The following MGAT5 variants were observed in gnomAD, a reference collection of about 807,000 sequenced individuals.
MGAT5 encodes alpha-1,6-mannosylglycoprotein 6-beta-N-acetylglucosaminyltransferase.
A neutral mutation model predicts 94.3 loss-of-function variants in MGAT5; 30 were observed. That is an observed-to-expected ratio of 0.32 (90% CI 0.24 to 0.43). The LOEUF (loss-of-function observed/expected upper bound fraction) is 0.43. Among genes scored for constraint, MGAT5 ranks in the 20% least tolerant of loss-of-function variants. The probability of loss-of-function intolerance (pLI) is 1.00; values close to 1 mark genes in which losing one functional copy is unlikely to be tolerated. For synonymous variants in MGAT5, 310 were observed against 322.9 expected, an observed-to-expected ratio of 0.96 and a Z score of 0.43; for missense variants, 691 against 905.5, an observed-to-expected ratio of 0.76 and a Z score of 3.04.
chr2:134,298,821 T>C (rs1042426860), intron 2 of MGAT5, among the ~76,000 whole-genome samples: 1 of 152,038 alleles, frequency 6.6e-6, no homozygotes, highest in Admixed American at 6.6e-5. Flanking sequence ...TGGGTTGGGA[T>C]TGGGGCTGGT....
intron 1 of MGAT5, among the ~76,000 whole-genome samples, chr2:134,194,172 G>A (rs1679381118): frequency 6.6e-6 from 1 of 152,182 alleles, no homozygotes; most frequent in Non-Finnish European, 1.5e-5. Flanking sequence ...AATTTCCTGT[G>A]AATGAATTGA....
intron 10 of MGAT5, among the ~76,000 whole-genome samples, chr2:134,402,570 A>G (rs1218289263): frequency 6.6e-6 from 1 of 152,158 alleles, no homozygotes; most frequent in Non-Finnish European, 1.5e-5. Flanking sequence ...TTGCAGTCCA[A>G]CTGACTGCCT....
rs1357653400 is a variant in MGAT5 at position 134,257,843 on chromosome 2, T to C, written c.241+3199T>C. Among the ~76,000 whole-genome samples, 6 of 149,374 alleles carry C rather than the reference T, an allele frequency of 4.0e-5. No homozygotes were observed. The South Asian group carries it at 1.1e-3, about 27-fold the overall frequency. On this transcript the variant is annotated intron_variant, in intron 1 of 15. Transcript: ENST00000281923. ...GCCATTAGTTTGCAGTCTCTTTTTT[T>C]TTTTTTTTTTTTGCCATAAATGCAG...
At chr2:134,152,318 C>T (rs909813450) in intron 1 of MGAT5, among the ~76,000 whole-genome samples, 19 of 98,394 alleles carry the variant, frequency 1.9e-4, no homozygotes, top group African/African-American at 3.0e-4. Context: ...TTATCACTCA[C>T]GCCCTATGGG....
intron 14 of MGAT5, among the ~76,000 whole-genome samples, chr2:134,428,712 C>G (rs551585253): frequency 6.6e-6 from 1 of 152,330 alleles, no homozygotes; most frequent in South Asian, 2.1e-4. Context: ...CCCTGACCAT[C>G]AGGGTCTGTG....
intron 1 of MGAT5, among the ~76,000 whole-genome samples, chr2:134,236,462 T>G (rs1490340312): frequency 6.6e-6 from 1 of 152,154 alleles, no homozygotes; most frequent in Admixed American, 6.5e-5. Flanking sequence ...GGGAGGTAAT[T>G]TAATCACAGA....
chr2:134,385,647 G>C (rs1397815598), intron 10 of MGAT5, among the ~76,000 whole-genome samples: 1 of 152,188 alleles, frequency 6.6e-6, no homozygotes, highest in Admixed American at 6.5e-5. Context: ...ATTCGAGGTA[G>C]TAAGGTAAGT....
chr2:134,367,041 A>T (rs1680476178), intron 10 of MGAT5, among the ~76,000 whole-genome samples: 1 of 152,190 alleles, frequency 6.6e-6, no homozygotes, highest in Non-Finnish European at 1.5e-5. Flanking sequence ...AGAGGAGGTG[A>T]GAGGCACAGT....
chr2:134,251,390 A>G (rs1309417151), upstream of MGAT5, among the ~76,000 whole-genome samples: 1 of 152,186 alleles, frequency 6.6e-6, no homozygotes, highest in African/African-American at 2.4e-5. Flanking sequence ...GGCAGGTGCT[A>G]GTTGGCTGGC....
At chr2:134,239,200 G>A (rs1219656245) in intron 1 of MGAT5, among the ~76,000 whole-genome samples, 3 of 151,918 alleles carry the variant, frequency 2.0e-5, no homozygotes, top group Admixed American at 1.3e-4. Flanking sequence ...GGGGTTCACC[G>A]TGTTAGCCAG....
chr2:134,294,068 G>C (rs1014240528), intron 2 of MGAT5, among the ~76,000 whole-genome samples: 3 of 152,182 alleles, frequency 2.0e-5, no homozygotes, highest in African/African-American at 7.2e-5. Flanking sequence ...TCAGTGTAAA[G>C]ATGTGTCACT....
At chr2:134,374,566 T>A (rs1011149885) in intron 10 of MGAT5, among the ~76,000 whole-genome samples, 4 of 152,230 alleles carry the variant, frequency 2.6e-5, no homozygotes, top group African/African-American at 9.6e-5. Flanking sequence ...TTTAATATAT[T>A]TGCTTCTAAA....
At chr2:134,239,487 A>G (rs573548684) in intron 1 of MGAT5, among the ~76,000 whole-genome samples, 1 of 152,326 alleles carries the variant, frequency 6.6e-6, no homozygotes, top group South Asian at 2.1e-4. Context: ...ACCTTGATTT[A>G]TGCAAATCAC....
chr2:134,377,457 A>T (rs1478592125), intron 10 of MGAT5, among the ~76,000 whole-genome samples: 1 of 152,218 alleles, frequency 6.6e-6, no homozygotes, highest in Non-Finnish European at 1.5e-5. Flanking sequence ...TTGGCTGCAG[A>T]GGAGGCCAGG....
At position 134,267,518 on chromosome 2, in the gene MGAT5, C is replaced by T. The variant is rs1377570062; in HGVS notation, c.242-2868C>T. ...TCATTATGAATCCCCTTTTACACTC[C>T]ATGTCACACAGTCACAGAAGGTCAA... On this transcript the variant is annotated intron_variant, in intron 1 of 15. Coordinates refer to ENST00000281923, the MANE Select transcript of MGAT5 (RefSeq NM_002410.5). Among the ~76,000 whole-genome samples, 32 of 152,148 alleles carry T rather than the reference C, an allele frequency of 2.1e-4. 1 individual carries two copies. The highest frequency in any genetic ancestry group is 1.5e-5 in the Non-Finnish European group (1 of 68,030).
Position 134,317,522 on chromosome 2 carries a change from T to C in MGAT5, c.407-7T>C, listed in dbSNP as rs746241603. 7 of 1,550,842 alleles carry C rather than the reference T, an allele frequency of 4.5e-6. No homozygotes were observed. Among genetic ancestry groups the C allele is most frequent in the Non-Finnish European group, 6.1e-6 (7 of 1,149,150 alleles). Reference sequence around the variant, plus strand: ...TTGTATCCTTTGTTGTTTTTCATTCTTCACAGATATCATTAACGGAGCTCA... The same window carrying C: ...TTGTATCCTTTGTTGTTTTTCATTCCTCACAGATATCATTAACGGAGCTCA... On this transcript the variant is annotated splice_region_variant and splice_polypyrimidine_tract_variant and intron_variant, in intron 2 of 15. Coordinates refer to ENST00000281923, the MANE Select transcript of MGAT5 (RefSeq NM_002410.5).
At chr2:134,202,083 ATATC>A (rs77031421) in intron 1 of MGAT5, among the ~76,000 whole-genome samples, 13,784 of 151,964 alleles carry the variant, frequency 0.091, 659 homozygotes, top group Middle Eastern at 0.12. Flanking sequence ...TCAGTAACTC[ATATC>A]TATCTATGAC....
At chr2:134,416,902 G>A (rs1423427883) in intron 12 of MGAT5, among the ~76,000 whole-genome samples, 1 of 151,236 alleles carries the variant, frequency 6.6e-6, no homozygotes, top group African/African-American at 2.4e-5. Context: ...ACCATGCCTG[G>A]CCTATGTCAC....
At chr2:134,291,458 G>T (rs1190340934) in intron 2 of MGAT5, among the ~76,000 whole-genome samples, 1 of 152,218 alleles carries the variant, frequency 6.6e-6, no homozygotes, top group Non-Finnish European at 1.5e-5. Flanking sequence ...AAAGTCTGTG[G>T]TAATTTGTTA....
Sources: allele counts gnomAD v4.1 joint callset (sites outside exome capture counted in the v4.1 genomes callset), GRCh38; gene constraint gnomAD v4.1.1; transcripts MANE v1.5; gene names NCBI Gene and HGNC (gene_info 2026-07-23, HGNC 2026-07-21).